Variants in PTPN12 observed in about 807,000 individuals in gnomAD.
PTPN12 encodes the protein protein tyrosine phosphatase non-receptor type 12.
In PTPN12, 29 loss-of-function variants were observed where a neutral mutation model predicts 97.6. The observed-to-expected ratio is 0.30, with a 90% CI of 0.22 to 0.41. The LOEUF is 0.41. Among genes scored for constraint, PTPN12 ranks in the 10% least tolerant of loss-of-function variants. The pLI is 1.00. For synonymous variants in PTPN12, 327 were observed against 300.4 expected, an observed-to-expected ratio of 1.09 and a Z score of -0.91; for missense variants, 819 against 926.0, an observed-to-expected ratio of 0.88 and a Z score of 1.50.
At chr7:77,630,392 C>T (rs1254671242) in intron 13 of PTPN12, among the ~76,000 whole-genome samples, 1 of 152,088 alleles carries the variant, frequency 6.6e-6, no homozygotes, top group Non-Finnish European at 1.5e-5. Context: ...GCAGTTTTGC[C>T]ATTGTGTGAA....
intron 1 of PTPN12, among the ~76,000 whole-genome samples, chr7:77,567,006 A>G (rs971658929): frequency 6.6e-6 from 1 of 151,964 alleles, no homozygotes; most frequent in African/African-American, 2.4e-5. Context: ...GTTTCTTAGT[A>G]TATTATGTTT....
chr7:77,583,762 C>G (rs1787598355), intron 4 of PTPN12, 112 bp downstream of exon 4: 4 of 642,130 alleles, frequency 6.2e-6, no homozygotes, highest in Non-Finnish European at 9.9e-6. Context: ...ATTATGTTTA[C>G]TTATTGCTGA....
chr7:77,592,070 G>A (rs2151346066), intron 5 of PTPN12, 115 bp from the exon 6 acceptor site: 2 of 849,692 alleles, frequency 2.4e-6, no homozygotes, highest in East Asian at 5.2e-5. Context: ...TGCTAATGTG[G>A]GTTTTTCTGT....
At chr7:77,565,185 A>C (rs1316464263) in intron 1 of PTPN12, among the ~76,000 whole-genome samples, 1 of 152,110 alleles carries the variant, frequency 6.6e-6, no homozygotes, top group Non-Finnish European at 1.5e-5. Flanking sequence ...TTATTCCGAA[A>C]GGAATTTCAG....
chr7:77,607,040 G>A, intron 8 of PTPN12, 195 bp from the exon 9 acceptor site: 1 of 447,648 alleles, frequency 2.2e-6, no homozygotes, highest in South Asian at 3.2e-5. Context: ...AAATCATAGT[G>A]TATATGTATA....
intron 1 of PTPN12, among the ~76,000 whole-genome samples, chr7:77,538,500 C>A (rs1405182890): frequency 1.3e-5 from 2 of 152,138 alleles, no homozygotes; most frequent in Middle Eastern, 3.4e-3. Flanking sequence ...CGCTACGGGC[C>A]GAAGCCCTGA....
intron 7 of PTPN12, among the ~76,000 whole-genome samples, chr7:77,598,932 T>C (rs1022154759): frequency 6.6e-6 from 1 of 151,204 alleles, no homozygotes; most frequent in Non-Finnish European, 1.5e-5. Flanking sequence ...CTTTGCAAAC[T>C]AATCAACTTT....
intron 12 of PTPN12, among the ~76,000 whole-genome samples, chr7:77,623,947 A>G (rs1048856886): frequency 1.3e-5 from 2 of 152,176 alleles, no homozygotes; most frequent in African/African-American, 4.8e-5. Context: ...AAAATTTGAC[A>G]GCCACTCTTT....
intron 2 of PTPN12, among the ~76,000 whole-genome samples, chr7:77,574,958 A>G (rs1311993612): frequency 6.6e-6 from 1 of 151,762 alleles, no homozygotes; most frequent in African/African-American, 2.4e-5. Flanking sequence ...CAGCCTCCCA[A>G]GTAGCTGGGA....
intron 1 of PTPN12, among the ~76,000 whole-genome samples, chr7:77,556,995 G>T (rs1033338562): frequency 6.6e-6 from 1 of 151,664 alleles, no homozygotes; most frequent in African/African-American, 2.4e-5. Context: ...TTTTAGAGCG[G>T]TCTCGCTGTT....
chr7:77,607,746 C>CT (rs58355876), intron 9 of PTPN12, among the ~76,000 whole-genome samples: 3,664 of 142,584 alleles, frequency 0.026, 143 homozygotes, highest in African/African-American at 0.083. Flanking sequence ...TTTTCATTGC[C>CT]TTTTTTTTTT....
At chr7:77,629,960 A>C (rs1789341756) in intron 13 of PTPN12, among the ~76,000 whole-genome samples, 2 of 142,492 alleles carry the variant, frequency 1.4e-5, no homozygotes, top group South Asian at 4.5e-4. Flanking sequence ...AAAAAAAAAG[A>C]GTAAGATATA....
chr7:77,625,472 G>GCTTGCGCGCTCTCTCTCT lies in PTPN12; in HGVS notation c.1026-1231_1026-1230insTGCGCGCTCTCTCTCTCT, dbSNP rs1554326598. On this transcript the variant is annotated intron_variant, in intron 12 of 17. Coordinates refer to ENST00000248594, the MANE Select transcript of PTPN12 (RefSeq NM_002835.4). ...TTTTGCCATATTGCCCAGGCTGCTC[G>GCTTGCGCGCTCTCTCTCT]CTCTCTCTCTCTCTCTCTCTCTCTC... Among the ~76,000 whole-genome samples the GCTTGCGCGCTCTCTCTCT allele has an allele frequency of 2.1e-4, 7 of 33,522 alleles. 1 individual carries two copies. Among genetic ancestry groups the GCTTGCGCGCTCTCTCTCT allele is most frequent in the African/African-American group, 8.0e-4 (6 of 7,510 alleles). 22.0% of individuals were successfully genotyped at this position (33,522 alleles called of 152,430 possible). A position where few individuals can be genotyped will look rare whatever the true frequency, so the allele number is the denominator to read the frequency against.
In PTPN12 at chr7:77,625,563, CTCTTT is replaced by C. The variant is rs1179123303; in HGVS notation, c.1026-1140_1026-1136del. 3.2e-4 allele frequency among the ~76,000 whole-genome samples: 9 copies of C among 27,784 alleles called. 1 individual carries two copies. The highest frequency in any genetic ancestry group is 1.4e-3 in the African/African-American group (6 of 4,284). 18.2% of individuals were successfully genotyped at this position (27,784 alleles called of 152,430 possible). A position where few individuals can be genotyped will look rare whatever the true frequency, so the allele number is the denominator to read the frequency against. ...TCGCGCTCTCTCTCTCGCTCTCTCT[CTCTTT>C]TTTTTTTTTTTTTTTTTTTTGGAGA... On this transcript the variant is annotated intron_variant, in intron 12 of 17. Coordinates refer to ENST00000248594, the MANE Select transcript of PTPN12 (RefSeq NM_002835.4).
chr7:77,577,722 G>A (rs975113552), intron 2 of PTPN12, among the ~76,000 whole-genome samples: 1 of 152,202 alleles, frequency 6.6e-6, no homozygotes, highest in Non-Finnish European at 1.5e-5. Context: ...CTAATGTGCT[G>A]TGGGTACATA....
chr7:77,619,036 C>T (rs531942258), intron 12 of PTPN12, among the ~76,000 whole-genome samples: 2 of 152,020 alleles, frequency 1.3e-5, no homozygotes, highest in African/African-American at 4.8e-5. Flanking sequence ...CTTTTCCTTC[C>T]CTTCTTGTTC....
chr7:77,607,153 G>T, intron 8 of PTPN12, 82 bp from the exon 9 acceptor site: 1 of 1,111,182 alleles, frequency 9.0e-7, no homozygotes, highest in Non-Finnish European at 1.3e-6. Context: ...TTTTGTTTCT[G>T]AATATTAACA....
At chr7:77,599,221 A>G (rs577367789) in intron 7 of PTPN12, among the ~76,000 whole-genome samples, 2 of 151,712 alleles carry the variant, frequency 1.3e-5, no homozygotes, top group Non-Finnish European at 2.9e-5. Flanking sequence ...ACCCTGTTTT[A>G]CTGGTTTACA....
At chr7:77,538,550 A>C (rs1265952783) in intron 1 of PTPN12, among the ~76,000 whole-genome samples, 1 of 148,692 alleles carries the variant, frequency 6.7e-6, no homozygotes, top group Non-Finnish European at 1.5e-5. Context: ...CGCCTCCGCC[A>C]CCCCCTACTT....
Sources: gnomAD v4.1 joint callset for allele counts (sites outside exome capture counted in the v4.1 genomes callset) on GRCh38, gnomAD v4.1.1 for gene constraint, MANE v1.5 for transcripts, NCBI Gene and HGNC (gene_info 2026-07-23, HGNC 2026-07-21) for gene names.